Variants in EFCAB6 observed in about 807,000 individuals in gnomAD.
EFCAB6 encodes the protein EF-hand calcium-binding domain-containing protein 6.
EFCAB6 carries 156 observed loss-of-function variants against 169.8 expected under a neutral mutation model. That is an observed-to-expected ratio of 0.92 (90% CI 0.81 to 1.05). EFCAB6 has a LOEUF of 1.05. Among genes scored for constraint, EFCAB6 ranks in the 50% least tolerant of loss-of-function variants. The pLI is 0.00. For synonymous variants in EFCAB6, 698 were observed against 676.4 expected, an observed-to-expected ratio of 1.03 and a Z score of -0.50; for missense variants, 1,800 against 1,829.1, an observed-to-expected ratio of 0.98 and a Z score of 0.29.
intron 2 of EFCAB6, among the ~76,000 whole-genome samples, chr22:43,802,998 T>C (rs2062783718): frequency 6.6e-6 from 1 of 152,242 alleles, no homozygotes; most frequent in Non-Finnish European, 1.5e-5. Flanking sequence ...AGACTTCCTC[T>C]TGGCTCCCAC....
Position 43,667,170 on chromosome 22 carries a change from G to A in EFCAB6, c.1917C>T (p.Phe639=). Residue 639 remains phenylalanine, a synonymous_variant, in exon 17 of 32, where the codon TTC becomes TTT. Transcript: ENST00000262726. ...TGCTGAAGTCAAGAAATCGTTTTTT[G>A]AATGCCGGGTCCTGCTGCTGTATAC... ...KKCIQQQDPA[F]KKRFLDFSKE... The A allele has an allele frequency of 6.2e-7, 1 of 1,613,904 alleles. No homozygotes were observed. The highest frequency in any genetic ancestry group is 8.5e-7 in the Non-Finnish European group (1 of 1,179,932).
rs2063018931 is a variant in EFCAB6, at chr22:43,809,105, G to A, written c.-118C>T. 1 of 152,092 alleles carries A rather than the reference G, an allele frequency of 6.6e-6. No homozygotes were observed. The highest frequency in any genetic ancestry group is 2.1e-4 in the South Asian group (1 of 4,832). The allele number at this position is 152,092 out of a possible 1,614,324, so 9.4% of individuals were successfully genotyped here. ...ACTTTTGTCATTGGGCAGTAATCTA[G>A]GCCCTTCCAATCCTCTGCGATGAGC... is the stretch of plus-strand genomic sequence containing the variant. On this transcript the variant is annotated 5_prime_UTR_variant, in exon 2 of 32. Coordinates refer to ENST00000262726, the MANE Select transcript of EFCAB6 (RefSeq NM_022785.4).
At chr22:43,587,467 T>C (rs1206920880) in intron 24 of EFCAB6, among the ~76,000 whole-genome samples, 3 of 152,230 alleles carry the variant, frequency 2.0e-5, no homozygotes, top group Non-Finnish European at 4.4e-5. Context: ...GTACTTTCCC[T>C]GGAGATTCTA....
Position 43,765,297 on chromosome 22 carries a change from A to G in EFCAB6, c.440+8T>C. The G allele has an allele frequency of 6.2e-7, 1 of 1,607,210 alleles. No individual in the cohort carries two copies. Among genetic ancestry groups the G allele is most frequent in the Non-Finnish European group, 8.5e-7 (1 of 1,174,528 alleles). On this transcript the variant is annotated splice_region_variant and intron_variant, in intron 5 of 31. Transcript: ENST00000262726. ...TCACATTTTCACATGAGCAAACCAA[A>G]CACTTACCTCTTTATACCATTTATA...
chr22:43,650,162 AGG>A (rs1428868389), intron 17 of EFCAB6, among the ~76,000 whole-genome samples: 8 of 152,176 alleles, frequency 5.3e-5, no homozygotes, highest in Non-Finnish European at 1.2e-4. Flanking sequence ...GGGAAGGGGC[AGG>A]GCTCAGAGAA....
At chr22:43,798,351 CAAA>C (rs755602448) in intron 2 of EFCAB6, among the ~76,000 whole-genome samples, 2 of 135,308 alleles carry the variant, frequency 1.5e-5, no homozygotes, top group Admixed American at 7.5e-5. Flanking sequence ...GACTCCATCT[CAAA>C]AAAAAAAAAA....
At chr22:43,663,595 G>A (rs2057107708) in intron 17 of EFCAB6, among the ~76,000 whole-genome samples, 1 of 152,316 alleles carries the variant, frequency 6.6e-6, no homozygotes, top group South Asian at 2.1e-4. Context: ...TCACTAGGAG[G>A]AAAACCAGTG....
chr22:43,574,177 C>G (rs5764483), intron 26 of EFCAB6, among the ~76,000 whole-genome samples: 84,561 of 151,716 alleles, frequency 0.56, 23,919 homozygotes, highest in East Asian at 0.65. Flanking sequence ...GGAGTGGGTG[C>G]AATGTTATAT....
At chr22:43,668,074 AT>A (rs1447286227) in intron 16 of EFCAB6, among the ~76,000 whole-genome samples, 1 of 152,224 alleles carries the variant, frequency 6.6e-6, no homozygotes, top group African/African-American at 2.4e-5. Flanking sequence ...TTATCATGGA[AT>A]ATTTAACCCG....
chr22:43,583,876 G>A (rs200711491), intron 24 of EFCAB6, among the ~76,000 whole-genome samples: 1 of 152,058 alleles, frequency 6.6e-6, no homozygotes, highest in East Asian at 1.9e-4. Flanking sequence ...TTTTATGGCA[G>A]CCCAAAGGGA....
chr22:43,687,616 T>C lies in EFCAB6; in HGVS notation c.1032-35A>G, dbSNP rs747486195. 9 of 1,364,166 alleles carry C rather than the reference T, an allele frequency of 6.6e-6. No individual in the cohort carries two copies. In the Admixed American group the frequency reaches 1.8e-4, roughly 27 times the overall value. The allele number at this position is 1,364,166 out of a possible 1,614,324, so 84.5% of individuals were successfully genotyped here. A position where few individuals can be genotyped will look rare whatever the true frequency, so the allele number is the denominator to read the frequency against. ...AAAGTAACAACAAAAAACATTACTT[T>C]AAACATTTTTTCTATAACACTGCAT... is the stretch of plus-strand genomic sequence containing the variant. On this transcript the variant is annotated intron_variant, in intron 10 of 31. Transcript: ENST00000262726.
intron 18 of EFCAB6, among the ~76,000 whole-genome samples, chr22:43,633,042 T>C (rs1416247625): frequency 1.3e-5 from 2 of 152,158 alleles, no homozygotes; most frequent in African/African-American, 4.8e-5. Context: ...CAGGAGAAGG[T>C]CCTCGTGTTT....
chr22:43,711,205 T>A (rs2059147598), intron 10 of EFCAB6, among the ~76,000 whole-genome samples: 1 of 152,192 alleles, frequency 6.6e-6, no homozygotes, highest in African/African-American at 2.4e-5. Context: ...GAGGGAAATA[T>A]GCTATCTGGT....
intron 27 of EFCAB6, among the ~76,000 whole-genome samples, chr22:43,541,278 C>T (rs1294501910): frequency 2.0e-5 from 3 of 152,194 alleles, no homozygotes; most frequent in Admixed American, 6.5e-5. Context: ...CTGTCTTGGG[C>T]TTGATTTGAA....
At chr22:43,657,460 T>C (rs1439147794) in intron 17 of EFCAB6, among the ~76,000 whole-genome samples, 1 of 150,384 alleles carries the variant, frequency 6.6e-6, no homozygotes, top group African/African-American at 2.4e-5. Flanking sequence ...CCCAACTGTT[T>C]TGGAAATTAA....
chr22:43,708,007 A>C (rs2059016108), intron 10 of EFCAB6, among the ~76,000 whole-genome samples: 1 of 151,784 alleles, frequency 6.6e-6, no homozygotes, highest in South Asian at 2.1e-4. Context: ...TGAAAATTTT[A>C]AGGAAAACCA....
chr22:43,529,105 C>T, intron 31 of EFCAB6, 130 bp from the exon 32 acceptor site: 1 of 1,101,728 alleles, frequency 9.1e-7, no homozygotes, highest in Non-Finnish European at 1.3e-6. Flanking sequence ...AGCCTCCCAT[C>T]TGTGCGCTCT....
rs1156652808 is a variant in EFCAB6 at position 43,590,190 on chromosome 22, T to A, written c.2916A>T (p.Ala972=). The A allele has an allele frequency of 1.2e-6, 2 of 1,614,114 alleles. No individual in the cohort carries two copies. Among genetic ancestry groups the A allele is most frequent in the Middle Eastern group, 1.7e-4 (1 of 6,060 alleles). The part of the protein sequence containing the change: ...LMDRHQDISK[A]FTKTDQSKTN... Reference sequence around the variant, plus strand: ...TTTTGGATTGATCAGTTTTGGTGAATGCTTTGCTGATATCTTGATGGCGGT... The same window carrying A: ...TTTTGGATTGATCAGTTTTGGTGAAAGCTTTGCTGATATCTTGATGGCGGT... The change falls in exon 24 of 32, where the codon GCA becomes GCT. Residue 972 remains alanine, a synonymous_variant. Coordinates refer to ENST00000262726, the MANE Select transcript of EFCAB6 (RefSeq NM_022785.4).
intron 21 of EFCAB6, among the ~76,000 whole-genome samples, chr22:43,614,734 C>G (rs2053576564): frequency 6.6e-6 from 1 of 152,178 alleles, no homozygotes; most frequent in Non-Finnish European, 1.5e-5. Context: ...ACAATACAGA[C>G]AGTTGACTCT....
Sources: gnomAD v4.1 joint callset for allele counts (sites outside exome capture counted in the v4.1 genomes callset) on GRCh38, gnomAD v4.1.1 for gene constraint, MANE v1.5 for transcripts, NCBI Gene and HGNC (gene_info 2026-07-23, HGNC 2026-07-21) for gene names.